Variants in VTA1 observed in about 807,000 individuals in gnomAD.
The protein encoded by VTA1 is vesicle trafficking 1.
In VTA1, 24 loss-of-function variants were observed where a neutral mutation model predicts 36.9. That is an observed-to-expected ratio of 0.65 (90% CI 0.47 to 0.91). The LOEUF (loss-of-function observed/expected upper bound fraction) is 0.91. Among genes scored for constraint, VTA1 ranks in the 40% least tolerant of loss-of-function variants. The pLI is 0.00. For missense variants in VTA1, 393 were observed against 377.2 expected (o/e 1.04, Z -0.35); for synonymous variants, 142 against 130.2 (o/e 1.09, Z -0.62).
chr6:142,147,301 C>A lies in VTA1; in HGVS notation c.14C>A (p.Ala5Glu), dbSNP rs372502542. Residue 5 changes from alanine to glutamate, a missense_variant, in exon 1 of 8, where the codon GCA becomes GAA. Transcript: ENST00000367630. Reference protein sequence around the residue: MAALAPLPPLPAQFK... With the variant: MAALEPLPPLPAQFK... ...TTCGGAGTAGAGATGGCCGCGCTTG[C>A]ACCGCTGCCCCCGCTCCCCGCACAG... is the stretch of plus-strand genomic sequence containing the variant. 3 of 1,614,204 alleles carry A rather than the reference C, an allele frequency of 1.9e-6. No individual in the cohort carries two copies. The highest frequency in any genetic ancestry group is 1.6e-4 in the Middle Eastern group (1 of 6,062).
intron 7 of VTA1, among the ~76,000 whole-genome samples, chr6:142,216,089 C>G (rs1053561083): frequency 6.6e-5 from 10 of 151,998 alleles, no homozygotes; most frequent in Non-Finnish European, 1.5e-4. Context: ...TGCACCCTCT[C>G]TTGTTCTGAT....
chr6:142,149,719 G>A (rs1483797110), intron 1 of VTA1, among the ~76,000 whole-genome samples: 1 of 152,084 alleles, frequency 6.6e-6, no homozygotes, highest in African/African-American at 2.4e-5. Context: ...ATCAATCATT[G>A]TATGAATCTC....
chr6:142,180,339 G>A (rs1775204045), intron 4 of VTA1, among the ~76,000 whole-genome samples: 1 of 152,066 alleles, frequency 6.6e-6, no homozygotes, highest in African/African-American at 2.4e-5. Context: ...GACAGTTTGA[G>A]CATAAAAATA....
chr6:142,149,197 G>A lies in VTA1; in HGVS notation c.112+1798G>A, dbSNP rs528888917. Reference sequence around the variant, plus strand: ...TAAGTTAGCTTTACGCCTTTATCTTGTAGAGCCTTTCAGCCCATGCAGTCT... The same window carrying A: ...TAAGTTAGCTTTACGCCTTTATCTTATAGAGCCTTTCAGCCCATGCAGTCT... On this transcript the variant is annotated intron_variant, in intron 1 of 7. Coordinates refer to ENST00000367630, the MANE Select transcript of VTA1 (RefSeq NM_016485.5). 1.5e-4 allele frequency among the ~76,000 whole-genome samples: 23 copies of A among 152,216 alleles called. No homozygotes were observed. The South Asian group carries it at 3.9e-3, about 26-fold the overall frequency.
intron 1 of VTA1, among the ~76,000 whole-genome samples, chr6:142,156,033 ATT>A (rs1246611632): frequency 6.6e-6 from 1 of 152,134 alleles, no homozygotes; most frequent in Non-Finnish European, 1.5e-5. Flanking sequence ...ATTGACCTGA[ATT>A]TTAAGGCAGT....
At chr6:142,198,115 ATATATGTGTGTG>A (rs760752311) in intron 5 of VTA1, among the ~76,000 whole-genome samples, 23 of 76,492 alleles carry the variant, frequency 3.0e-4, no homozygotes, top group African/African-American at 7.3e-4. Flanking sequence ...ATATATATAT[ATATATGTGTGTG>A]TGTGTGTGTG....
intron 7 of VTA1, 72 bp from the exon 8 acceptor site, chr6:142,218,426 T>G: frequency 6.7e-7 from 1 of 1,500,034 alleles, no homozygotes; most frequent in Non-Finnish European, 9.1e-7. Flanking sequence ...ATCTTAAGCA[T>G]AAGCATTTGC....
intron 1 of VTA1, among the ~76,000 whole-genome samples, chr6:142,163,807 G>A (rs1015114385): frequency 2.2e-4 from 33 of 151,896 alleles, no homozygotes; most frequent in African/African-American, 7.7e-4. Flanking sequence ...ATCCATATGA[G>A]TTAGAAAAAA....
At chr6:142,217,682 AGTCTAT>A (rs1215827648) in intron 7 of VTA1, among the ~76,000 whole-genome samples, 24 of 152,136 alleles carry the variant, frequency 1.6e-4, no homozygotes, top group Admixed American at 1.2e-3. Flanking sequence ...TGCTTGTTAT[AGTCTAT>A]GCCTCCCAGC....
chr6:142,172,968 A>C (rs964297319), intron 4 of VTA1, among the ~76,000 whole-genome samples: 36 of 132,010 alleles, frequency 2.7e-4, no homozygotes, highest in Non-Finnish European at 4.6e-4. Flanking sequence ...ACCATTTGAC[A>C]AAAAAAAAAA....
chr6:142,211,525 C>G (rs1775902695), intron 7 of VTA1, among the ~76,000 whole-genome samples: 1 of 152,042 alleles, frequency 6.6e-6, no homozygotes, highest in Non-Finnish European at 1.5e-5. Context: ...TCTTGGCTAA[C>G]ACGGTGAAAC....
At chr6:142,171,040 A>G (rs1562259394) in intron 4 of VTA1, among the ~76,000 whole-genome samples, 5 of 152,160 alleles carry the variant, frequency 3.3e-5, no homozygotes, top group Non-Finnish European at 7.3e-5. Flanking sequence ...ACATATTACT[A>G]ATCCTGTATG....
chr6:142,157,959 C>A (rs1778695658), intron 1 of VTA1, among the ~76,000 whole-genome samples: 1 of 147,430 alleles, frequency 6.8e-6, no homozygotes, highest in Non-Finnish European at 1.5e-5. Flanking sequence ...GTCAGGGCTG[C>A]CCAGTACCTT....
At chr6:142,168,036 A>G (rs1774954858) in intron 2 of VTA1, among the ~76,000 whole-genome samples, 1 of 152,246 alleles carries the variant, frequency 6.6e-6, no homozygotes, top group Non-Finnish European at 1.5e-5. Flanking sequence ...GGAATTTATC[A>G]CTATCTGCAT....
At chr6:142,191,826 C>A (rs567746105) in intron 5 of VTA1, among the ~76,000 whole-genome samples, 1 of 151,814 alleles carries the variant, frequency 6.6e-6, no homozygotes, top group Non-Finnish European at 1.5e-5. Flanking sequence ...TGAGAAAAAT[C>A]TTCTTTAAGA....
Position 142,178,210 on chromosome 6 carries a change from G to A in VTA1, c.411+7789G>A, listed in dbSNP as rs141139313. Among the ~76,000 whole-genome samples, 621 of 152,192 alleles carry A rather than the reference G, an allele frequency of 4.1e-3. 2 individuals are homozygous for A. The highest frequency in any genetic ancestry group is 0.037 in the Middle Eastern group (11 of 294). On this transcript the variant is annotated intron_variant, in intron 4 of 7. Transcript: ENST00000367630. ...CTTGAGAAAATGTGTTACACACAGG[G>A]TAACAGTGTTGTGAGGGATAGCTGA...
chr6:142,159,850 G>A (rs6929761), intron 1 of VTA1, among the ~76,000 whole-genome samples: 2 of 151,904 alleles, frequency 1.3e-5, no homozygotes, highest in Non-Finnish European at 2.9e-5. Flanking sequence ...ATTTGGATTC[G>A]TTTGTGTATA....
At chr6:142,167,835 G>A (rs1317636825) in intron 2 of VTA1, among the ~76,000 whole-genome samples, 1 of 152,210 alleles carries the variant, frequency 6.6e-6, no homozygotes, top group Non-Finnish European at 1.5e-5. Context: ...GGAATGGGTT[G>A]GGGTAGAAGG....
In VTA1 at chr6:142,184,671, C is replaced by G. The variant is rs116236106; in HGVS notation, c.412-4755C>G. Among the ~76,000 whole-genome samples, 218 of 152,210 alleles carry G rather than the reference C, an allele frequency of 1.4e-3. 1 individual carries two copies. The highest frequency in any genetic ancestry group is 5.2e-3 in the African/African-American group (215 of 41,532). On this transcript the variant is annotated intron_variant, in intron 4 of 7. Coordinates refer to ENST00000367630, the MANE Select transcript of VTA1 (RefSeq NM_016485.5). ...GAGAGAATAGCATAAGAAGAGAATG[C>G]AGGTAAGACAGGAATCCAATCTTGA...
Sources: allele counts gnomAD v4.1 joint callset (sites outside exome capture counted in the v4.1 genomes callset), GRCh38; gene constraint gnomAD v4.1.1; transcripts MANE v1.5; gene names NCBI Gene and HGNC (gene_info 2026-07-23, HGNC 2026-07-21).